The following CDH22 variants were observed in gnomAD, a reference collection of about 807,000 sequenced individuals.
CDH22 encodes cadherin-22.
In CDH22, 30 loss-of-function variants were observed where a neutral mutation model predicts 58.4. That is an observed-to-expected ratio of 0.51 (90% confidence interval 0.38 to 0.70). CDH22 has a LOEUF of 0.70. CDH22 is among the 30% of genes least tolerant of loss of function. CDH22 has a pLI of 0.00. For missense variants in CDH22, 1,014 were observed against 1,233.9 expected (o/e 0.82, Z 2.67); for synonymous variants, 513 against 558.2 (o/e 0.92, Z 1.14).
intron 1 of CDH22, among the ~76,000 whole-genome samples, chr20:46,273,593 G>C (rs1006118347): frequency 6.6e-6 from 1 of 152,222 alleles, no homozygotes; most frequent in Non-Finnish European, 1.5e-5. Context: ...CACAGGCCAA[G>C]ATGCTAACAG....
chr20:46,222,655 G>A (rs1462387626), intron 4 of CDH22, among the ~76,000 whole-genome samples: 1 of 152,214 alleles, frequency 6.6e-6, no homozygotes, highest in Non-Finnish European at 1.5e-5. Context: ...TCCAGCTGTT[G>A]TCCTGGCCTC....
At chr20:46,292,389 G>C (rs1483988798) in intron 1 of CDH22, among the ~76,000 whole-genome samples, 1 of 152,224 alleles carries the variant, frequency 6.6e-6, no homozygotes, top group African/African-American at 2.4e-5. Context: ...TGGCTTTGAT[G>C]TCAAACAGAC....
rs1017827223 is a variant in CDH22, at chr20:46,300,018, G to A, written c.-400+8237C>T. ...GAATAAATGGACACTGAAATAGACTGAGCTAGGGGCAAAGGATTCAGTCTG... is the reference window on the plus strand; with the variant it reads ...GAATAAATGGACACTGAAATAGACTAAGCTAGGGGCAAAGGATTCAGTCTG... On this transcript the variant is annotated intron_variant, in intron 1 of 11. Coordinates refer to ENST00000537909, the MANE Select transcript of CDH22 (RefSeq NM_021248.3). This position sits in a 1 kb window ranked among gnomAD's most constrained non-coding sequence, Gnocchi z 4.4. 6.6e-6 allele frequency among the ~76,000 whole-genome samples: 1 copy of A among 152,134 alleles called. No individual in the cohort carries two copies. The highest frequency in any genetic ancestry group is 2.4e-5 in the African/African-American group (1 of 41,424).
At chr20:46,298,447 G>A (rs1448113484) in intron 1 of CDH22, among the ~76,000 whole-genome samples, 11 of 152,196 alleles carry the variant, frequency 7.2e-5, no homozygotes, top group Admixed American at 5.9e-4. Flanking sequence ...AGATTCTGAG[G>A]GTGAATGAGG....
intron 10 of CDH22, among the ~76,000 whole-genome samples, chr20:46,180,977 C>A (rs2145647257): frequency 6.7e-6 from 1 of 149,628 alleles, no homozygotes; most frequent in South Asian, 2.1e-4. Context: ...CAGATGAGGT[C>A]TCATTGTATT....
intron 4 of CDH22, 100 bp downstream of exon 4, chr20:46,227,408 G>C (rs1464303409): frequency 8.5e-7 from 1 of 1,182,190 alleles, no homozygotes; most frequent in Non-Finnish European, 1.2e-6. Flanking sequence ...CAGAGCTTCT[G>C]GGACAGAAGG....
intron 8 of CDH22, among the ~76,000 whole-genome samples, chr20:46,197,295 G>GATATATATATATATATATATATGT (rs2085911875): frequency 7.0e-6 from 1 of 141,972 alleles, no homozygotes; most frequent in African/African-American, 2.6e-5. Context: ...TCTAGGCCAG[G>GATATATATATATATATATATATGT]ATATATATAT....
chr20:46,212,255 GCATTCTGTCGCTGGAGATATA>G (rs368271417), intron 6 of CDH22, among the ~76,000 whole-genome samples: 3,359 of 152,306 alleles, frequency 0.022, 67 homozygotes, highest in African/African-American at 0.054. Flanking sequence ...CAGAAAGTGA[GCATTCTGTCGCTGGAGATATA>G]CAAACAAAGG....
At chr20:46,178,586 C>CTTTTTTTTTTTTTTTTTTTTTTTT (rs33937889) in intron 10 of CDH22, among the ~76,000 whole-genome samples, 7 of 95,374 alleles carry the variant, frequency 7.3e-5, no homozygotes, top group Non-Finnish European at 1.0e-4. Context: ...CTGGCGTTGT[C>CTTTTTTTTTTTTTTTTTTTTTTTT]TTTTTTTTTT....
chr20:46,215,527 AG>A (rs1481241402), intron 5 of CDH22, among the ~76,000 whole-genome samples: 1 of 152,148 alleles, frequency 6.6e-6, no homozygotes, highest in Non-Finnish European at 1.5e-5. Flanking sequence ...AACTGGAGGG[AG>A]GAGTTGGGGA....
chr20:46,199,099 A>C (rs1363074135), intron 8 of CDH22, among the ~76,000 whole-genome samples: 2 of 152,200 alleles, frequency 1.3e-5, no homozygotes, highest in African/African-American at 4.8e-5. Flanking sequence ...GCTTGCACGT[A>C]GCAGATGCTC....
Position 46,236,938 on chromosome 20 carries a change from C to T in CDH22, c.550+4025G>A, listed in dbSNP as rs146231961. Among the ~76,000 whole-genome samples, 52 of 152,306 alleles carry T rather than the reference C, an allele frequency of 3.4e-4. No homozygotes were observed. The East Asian group carries it at 8.1e-3, about 24-fold the overall frequency. The stretch of plus-strand genomic sequence containing the variant: ...GAACTCCTGAGCTCAGGCAATTCAC[C>T]GGCCTTGGCCTCCCAAAGTGCGAGG... On this transcript the variant is annotated intron_variant, in intron 3 of 11. Transcript: ENST00000537909.
Position 46,178,067 on chromosome 20 carries a change from G to A in CDH22, c.1794C>T (p.Arg598=). ...TGCCGGAGCTGTCGCAGCCACAGAT[G>A]CGGATGGTGAGCGTGCCTGTGCTGC... ...TLSSTGTLTI[R]ICGCDSSGTI... is the part of the protein sequence containing the mutation. The change falls in exon 11 of 12, where the codon CGC becomes CGT. Residue 598 remains arginine, a synonymous_variant. Coordinates refer to ENST00000537909, the MANE Select transcript of CDH22 (RefSeq NM_021248.3). 1 of 1,614,124 alleles carries A rather than the reference G, an allele frequency of 6.2e-7. No homozygotes were observed. The highest frequency in any genetic ancestry group is 8.5e-7 in the Non-Finnish European group (1 of 1,180,014).
chr20:46,275,631 G>A (rs561413599), intron 1 of CDH22, among the ~76,000 whole-genome samples: 1 of 152,252 alleles, frequency 6.6e-6, no homozygotes, highest in South Asian at 2.1e-4. Flanking sequence ...GCATGGAAAG[G>A]TGCTCAACAA....
chr20:46,292,918 G>T (rs1000551828), intron 1 of CDH22, among the ~76,000 whole-genome samples: 1 of 127,832 alleles, frequency 7.8e-6, no homozygotes, highest in African/African-American at 3.6e-5. Context: ...GCCACTGGTT[G>T]TGTGTGTGTG....
At chr20:46,240,119 C>T (rs1015802682) in intron 3 of CDH22, among the ~76,000 whole-genome samples, 9 of 152,024 alleles carry the variant, frequency 5.9e-5, no homozygotes, top group Admixed American at 4.6e-4. Context: ...GGCTGGATCT[C>T]GGTGAGCTGT....
At chr20:46,195,131 G>A (rs964408972) in intron 8 of CDH22, among the ~76,000 whole-genome samples, 2 of 152,198 alleles carry the variant, frequency 1.3e-5, no homozygotes, top group South Asian at 4.1e-4. Context: ...AACAAGATGG[G>A]AGTGACCTGT....
intron 2 of CDH22, among the ~76,000 whole-genome samples, chr20:46,245,767 G>A (rs2086323993): frequency 6.6e-6 from 1 of 152,166 alleles, no homozygotes; most frequent in Non-Finnish European, 1.5e-5. Flanking sequence ...CAGTCGCTGG[G>A]AACCTGAAAC....
At chr20:46,260,096 C>A (rs990142164) in intron 1 of CDH22, among the ~76,000 whole-genome samples, 6 of 152,186 alleles carry the variant, frequency 3.9e-5, no homozygotes, top group African/African-American at 1.4e-4. Context: ...TTATGTGACA[C>A]AATTCTGGTC....
Sources: gnomAD v4.1 joint callset for allele counts (sites outside exome capture counted in the v4.1 genomes callset) on GRCh38, gnomAD v4.1.1 for gene constraint, Gnocchi (gnomAD v3.1) non-coding constraint, MANE v1.5 for transcripts, NCBI Gene and HGNC (gene_info 2026-07-23, HGNC 2026-07-21) for gene names.